ZNF420: variants seen among roughly 807,000 people sequenced by gnomAD.
ZNF420 encodes ATM and p53-associated KZNF protein.
Under a neutral mutation model 44.7 loss-of-function variants are expected in ZNF420, and 31 were observed. The ratio of observed to expected loss-of-function variants is 0.69; its 90% CI spans 0.52 to 0.94. The LOEUF is 0.94. Ranked by LOEUF, ZNF420 falls within the 40% of genes least tolerant of loss-of-function variation. The pLI, the probability that ZNF420 is intolerant of heterozygous loss-of-function variation, is 0.00. For synonymous variants in ZNF420, 245 were observed against 267.4 expected, an observed-to-expected ratio of 0.92 and a Z score of 0.82; for missense variants, 681 against 827.9, an observed-to-expected ratio of 0.82 and a Z score of 2.18.
At chr19:37,013,003 A>C (rs1568418270) in intron 1 of ZNF420, among the ~76,000 whole-genome samples, 1 of 151,730 alleles carries the variant, frequency 6.6e-6, no homozygotes, top group African/African-American at 2.4e-5. Context: ...GCCCATTGTC[A>C]GTTTTCCCTG....
At chr19:37,116,364 ACC>A (rs1970682477) in intron 4 of ZNF420, among the ~76,000 whole-genome samples, 1 of 104,620 alleles carries the variant, frequency 9.6e-6, no homozygotes, top group Admixed American at 1.0e-4. Context: ...GCAGGACTCC[ACC>A]TCAAAAAAAA....
intron 1 of ZNF420, among the ~76,000 whole-genome samples, chr19:37,009,217 T>C (rs961060164): frequency 1.3e-5 from 2 of 152,138 alleles, no homozygotes; most frequent in African/African-American, 4.8e-5. Flanking sequence ...CCAAAGGGAC[T>C]GGGCTGGGGC....
chr19:37,083,259 G>A (rs1421532730), intron 2 of ZNF420, among the ~76,000 whole-genome samples: 1 of 150,478 alleles, frequency 6.6e-6, no homozygotes, highest in East Asian at 2.0e-4. Flanking sequence ...TTTCCTTTAT[G>A]TGATGTTAAC....
At chr19:37,126,927 AAGC>A (rs918156608) in intron 4 of ZNF420, among the ~76,000 whole-genome samples, 198 bp from the exon 5 acceptor site, 1 of 152,186 alleles carries the variant, frequency 6.6e-6, no homozygotes, top group Non-Finnish European at 1.5e-5. Context: ...ATAGAATAGA[AAGC>A]AGGGAAGATA....
chr19:37,021,949 AAAAAAAAAAAAAAAG>A (rs1417238732), intron 1 of ZNF420, among the ~76,000 whole-genome samples: 3 of 149,504 alleles, frequency 2.0e-5, no homozygotes, highest in Non-Finnish European at 3.0e-5. Flanking sequence ...AAAAAAAAAA[AAAAAAAAAAAAAAAG>A]AAAAGAAAAA....
At chr19:37,019,778 AAAAATT>A (rs2074633061) in intron 1 of ZNF420, among the ~76,000 whole-genome samples, 1 of 151,906 alleles carries the variant, frequency 6.6e-6, no homozygotes, top group Non-Finnish European at 1.5e-5. Flanking sequence ...ACAAAAAAAA[AAAAATT>A]AAAAATAGAA....
chr19:37,111,852 T>C (rs996012437), intron 4 of ZNF420: 3 of 152,162 alleles, frequency 2.0e-5, no homozygotes, highest in African/African-American at 4.8e-5. Context: ...TAAAGGCCAG[T>C]CTTTTGGGAT....
intron 1 of ZNF420, among the ~76,000 whole-genome samples, chr19:37,032,055 A>G (rs957695731): frequency 1.3e-5 from 2 of 152,108 alleles, no homozygotes; most frequent in Non-Finnish European, 2.9e-5. Context: ...TACTAAAAAT[A>G]CAAAAATTAG....
chr19:37,069,348 G>C (rs1968019169), intron 1 of ZNF420, among the ~76,000 whole-genome samples: 2 of 152,024 alleles, frequency 1.3e-5, no homozygotes, highest in African/African-American at 4.8e-5. Flanking sequence ...AATTATTTAT[G>C]GTTAAAAGAA....
chr19:37,104,684 G>A (rs1211817622), intron 4 of ZNF420, among the ~76,000 whole-genome samples: 1 of 152,186 alleles, frequency 6.6e-6, no homozygotes, highest in Admixed American at 6.5e-5. Flanking sequence ...CATTCTAAGT[G>A]GTGTGAGATG....
chr19:37,124,556 C>G (rs528942211), intron 4 of ZNF420, among the ~76,000 whole-genome samples: 1 of 152,352 alleles, frequency 6.6e-6, no homozygotes, highest in African/African-American at 2.4e-5. Flanking sequence ...TTTGCACTCT[C>G]AGCAACAGTA....
chr19:37,115,458 CAT>C (rs1970623335), intron 4 of ZNF420, among the ~76,000 whole-genome samples: 1 of 151,768 alleles, frequency 6.6e-6, no homozygotes, highest in African/African-American at 2.4e-5. Context: ...AGCAGGAAAA[CAT>C]GTGAACAGAG....
chr19:37,122,495 G>A (rs551060362), intron 4 of ZNF420, among the ~76,000 whole-genome samples: 4 of 151,976 alleles, frequency 2.6e-5, no homozygotes, highest in Non-Finnish European at 5.9e-5. Context: ...GATAGCATTA[G>A]GAGATATACC....
Position 37,130,005 on chromosome 19 carries a change from T to C in ZNF420, c.*947T>C. 6.6e-7 allele frequency: 1 copy of C among 1,514,832 alleles called. No individual in the cohort carries two copies. Among genetic ancestry groups the C allele is most frequent in the Non-Finnish European group, 8.8e-7 (1 of 1,130,138 alleles). The allele number at this position is 1,514,832 out of a possible 1,614,324, so 93.8% of individuals were successfully genotyped here. A position where few individuals can be genotyped will look rare whatever the true frequency, so the allele number is the denominator to read the frequency against. On this transcript the variant is annotated 3_prime_UTR_variant, in exon 5 of 5. Transcript: ENST00000337995. ...CTACCCTATATCTATTTTCTCTTTTTTAGTAACAAATTTCTGGGCTGAAAA... is the reference window on the plus strand; with the variant it reads ...CTACCCTATATCTATTTTCTCTTTTCTAGTAACAAATTTCTGGGCTGAAAA...
At chr19:37,041,354 A>G (rs190969806) in intron 1 of ZNF420, among the ~76,000 whole-genome samples, 2 of 151,916 alleles carry the variant, frequency 1.3e-5, no homozygotes, top group Non-Finnish European at 2.9e-5. Context: ...CATAATTTAT[A>G]TACCCAATTT....
In ZNF420 at chr19:37,090,916, T is replaced by C. The variant is rs1201782723; in HGVS notation, c.10-79T>C. The C allele has an allele frequency of 5.0e-6, 7 of 1,411,842 alleles. No homozygotes were observed. In the Admixed American group the frequency reaches 1.5e-4, roughly 31 times the overall value. The allele number at this position is 1,411,842 out of a possible 1,614,324, so 87.5% of individuals were successfully genotyped here. On this transcript the variant is annotated intron_variant, in intron 3 of 4. Coordinates refer to ENST00000337995, the MANE Select transcript of ZNF420 (RefSeq NM_144689.5). ...GCCTGAGCGACAGAGCAAGACTCCA[T>C]CTCAAAAAAAAAAAAAGAAAGAAAA...
chr19:37,089,104 G>C lies in ZNF420; in HGVS notation c.-15G>C, dbSNP rs1306310853. ...CCCAGAAGAGGACTGATCATTTCTT[G>C]CAGCTCTAAAAACCATGGCTCGGGT... On this transcript the variant is annotated 5_prime_UTR_variant, in exon 3 of 5. Coordinates refer to ENST00000337995, the MANE Select transcript of ZNF420 (RefSeq NM_144689.5). The C allele has an allele frequency of 6.2e-7, 1 of 1,612,850 alleles. No homozygotes were observed. Among genetic ancestry groups the C allele is most frequent in the Non-Finnish European group, 8.5e-7 (1 of 1,178,994 alleles).
At chr19:37,022,503 C>G (rs1052125393) in intron 1 of ZNF420, among the ~76,000 whole-genome samples, 12 of 151,914 alleles carry the variant, frequency 7.9e-5, no homozygotes, top group Admixed American at 7.9e-4. Context: ...AGAATGAATT[C>G]AAATTCAAAA....
chr19:37,059,921 G>A (rs957039766), intron 1 of ZNF420, among the ~76,000 whole-genome samples: 9 of 152,046 alleles, frequency 5.9e-5, no homozygotes, highest in Non-Finnish European at 1.3e-4. Flanking sequence ...GTCTGTATGT[G>A]TGTGTGCCCA....
Sources: gnomAD v4.1 joint callset for allele counts (sites outside exome capture counted in the v4.1 genomes callset) on GRCh38, gnomAD v4.1.1 for gene constraint, MANE v1.5 for transcripts, NCBI Gene and HGNC (gene_info 2026-07-23, HGNC 2026-07-21) for gene names.